ZNF385D: variants seen among roughly 807,000 people sequenced by gnomAD.
ZNF385D encodes zinc finger protein 385D, also known as zinc finger protein 659.
ZNF385D carries 15 observed loss-of-function variants against 35.8 expected under a neutral mutation model. The observed-to-expected ratio is 0.42, with a 90% CI of 0.28 to 0.64. The LOEUF (loss-of-function observed/expected upper bound fraction) is 0.64, where lower values mean the gene tolerates loss of function less well. ZNF385D is among the 30% of genes least tolerant of loss of function. The pLI is 0.23. For synonymous variants in ZNF385D, 212 were observed against 186.8 expected, an observed-to-expected ratio of 1.13 and a Z score of -1.10; for missense variants, 474 against 494.6, an observed-to-expected ratio of 0.96 and a Z score of 0.39.
chr3:21,831,472 A>T (rs1312453451), intron 3 of ZNF385D, among the ~76,000 whole-genome samples: 1 of 152,206 alleles, frequency 6.6e-6, no homozygotes, highest in Non-Finnish European at 1.5e-5. Flanking sequence ...GGAATAAGAA[A>T]TCCTTAGCTT....
At chr3:21,843,508 T>A (rs1401034885) in intron 3 of ZNF385D, among the ~76,000 whole-genome samples, 1 of 151,906 alleles carries the variant, frequency 6.6e-6, no homozygotes, top group Admixed American at 6.6e-5. Flanking sequence ...ACGTGAGAGG[T>A]AGACTCTGAT....
chr3:22,342,384 T>A (rs541260508), intron 2 of ZNF385D, among the ~76,000 whole-genome samples: 39 of 151,848 alleles, frequency 2.6e-4, no homozygotes, highest in Admixed American at 1.8e-3. Context: ...AGTTTTAATA[T>A]CTCCTGTAGA....
At chr3:22,266,163 C>G (rs1000993437) in intron 2 of ZNF385D, among the ~76,000 whole-genome samples, 28 of 151,928 alleles carry the variant, frequency 1.8e-4, no homozygotes, top group African/African-American at 6.3e-4. Flanking sequence ...ATTACTCTTT[C>G]CATTTGGACC....
At chr3:21,783,331 G>A (rs1186173600) in intron 3 of ZNF385D, among the ~76,000 whole-genome samples, 1 of 152,104 alleles carries the variant, frequency 6.6e-6, no homozygotes, top group African/African-American at 2.4e-5. Context: ...CTCTCCCAGG[G>A]AGTCTCAAAT....
At chr3:21,427,994 G>A (rs1701098917) in intron 5 of ZNF385D, among the ~76,000 whole-genome samples, 2 of 152,016 alleles carry the variant, frequency 1.3e-5, no homozygotes, top group East Asian at 1.9e-4. Context: ...ATTAAATGGA[G>A]TAGAACTTTT....
At chr3:21,659,167 T>C (rs571069366) in intron 2 of ZNF385D, among the ~76,000 whole-genome samples, 1 of 152,236 alleles carries the variant, frequency 6.6e-6, no homozygotes, top group African/African-American at 2.4e-5. Flanking sequence ...CAGTGCTTAA[T>C]AAATGCCCAG....
chr3:21,760,442 T>A (rs1403171535), intron 3 of ZNF385D, among the ~76,000 whole-genome samples: 1 of 152,134 alleles, frequency 6.6e-6, no homozygotes, highest in Non-Finnish European at 1.5e-5. Context: ...CTTCAAAAGG[T>A]AAACAAAGAT....
At chr3:22,338,543 A>C (rs1474095792) in intron 2 of ZNF385D, among the ~76,000 whole-genome samples, 2 of 152,158 alleles carry the variant, frequency 1.3e-5, no homozygotes, top group Admixed American at 1.3e-4. Context: ...ATGTTGGCTC[A>C]GAAATAAGTT....
At chr3:21,758,425 A>C (rs1170502629) in intron 3 of ZNF385D, among the ~76,000 whole-genome samples, 1 of 152,168 alleles carries the variant, frequency 6.6e-6, no homozygotes, top group Non-Finnish European at 1.5e-5. Flanking sequence ...AATTACATGT[A>C]TTTAGGCTAA....
intron 2 of ZNF385D, among the ~76,000 whole-genome samples, chr3:21,565,674 T>C (rs1339220769): frequency 6.6e-6 from 1 of 152,220 alleles, no homozygotes; most frequent in African/African-American, 2.4e-5. Context: ...AGATGCTGGC[T>C]ATTTATTATT....
intron 3 of ZNF385D, among the ~76,000 whole-genome samples, chr3:21,872,701 C>A (rs115036224): frequency 6.6e-6 from 1 of 152,022 alleles, no homozygotes; most frequent in African/African-American, 2.4e-5. Flanking sequence ...ATAGAGTTTG[C>A]TGAGCTTGCA....
At chr3:21,649,948 TATC>T (rs1207253661) in intron 2 of ZNF385D, among the ~76,000 whole-genome samples, 2 of 152,236 alleles carry the variant, frequency 1.3e-5, no homozygotes, top group East Asian at 3.9e-4. Flanking sequence ...GTCAGTTCAA[TATC>T]ATGGCTGCAG....
chr3:22,161,166 A>G (rs529316373), intron 3 of ZNF385D, among the ~76,000 whole-genome samples: 15 of 152,062 alleles, frequency 9.9e-5, no homozygotes, highest in Non-Finnish European at 2.1e-4. Flanking sequence ...TTACCTAGAA[A>G]TCTCAACTCC....
intron 3 of ZNF385D, among the ~76,000 whole-genome samples, chr3:21,973,669 G>A (rs1398886185): frequency 6.6e-6 from 1 of 151,830 alleles, no homozygotes; most frequent in Admixed American, 6.6e-5. Context: ...TTTTATATTT[G>A]GAAAAACCTA....
In ZNF385D at chr3:22,195,782, T is replaced by C. The variant is rs761957643; in HGVS notation, c.107-26747A>G. Reference sequence around the variant, plus strand: ...GACATGGAATCAACCTAAATGCCTATCAATGATAGACTGGATAAAGAAAAT... The same window carrying C: ...GACATGGAATCAACCTAAATGCCTACCAATGATAGACTGGATAAAGAAAAT... On this transcript the variant is annotated intron_variant, in intron 2 of 5. Coordinates refer to the ZNF385D transcript ENST00000494108. Among the ~76,000 whole-genome samples the C allele has an allele frequency of 1.3e-5, 2 of 151,956 alleles. 1 individual carries two copies. Among genetic ancestry groups the C allele is most frequent in the South Asian group, 4.1e-4 (2 of 4,830 alleles).
chr3:22,372,481 G>A, exon 2 of ZNF385D: 2 of 985,868 alleles, frequency 2.0e-6, no homozygotes, highest in African/African-American at 3.5e-5. Context: ...GCGCCCCCAG[G>A]AGCTTTTCTC....
At chr3:21,525,340 A>G (rs937795495) in intron 3 of ZNF385D, among the ~76,000 whole-genome samples, 3 of 152,146 alleles carry the variant, frequency 2.0e-5, no homozygotes, top group Non-Finnish European at 2.9e-5. Flanking sequence ...TTTTTTTCCA[A>G]TGGCATTTGC....
intron 3 of ZNF385D, among the ~76,000 whole-genome samples, chr3:21,949,546 C>CTTTTTTTTTTTTTTTTTTTTT (rs1553705221): frequency 3.2e-5 from 1 of 31,158 alleles, no homozygotes; most frequent in Non-Finnish European, 6.6e-5. Flanking sequence ...TCCTTCTTTT[C>CTTTTTTTTTTTTTTTTTTTTT]TTTCTTTCTT....
At chr3:21,908,126 C>A (rs576470022) in intron 3 of ZNF385D, among the ~76,000 whole-genome samples, 1 of 115,114 alleles carries the variant, frequency 8.7e-6, no homozygotes, top group South Asian at 2.9e-4. Context: ...CTATATCTAT[C>A]TATCTATCTA....
Sources: allele counts gnomAD v4.1 joint callset (sites outside exome capture counted in the v4.1 genomes callset), GRCh38; gene constraint gnomAD v4.1.1; transcripts MANE v1.5; gene names NCBI Gene and HGNC (gene_info 2026-07-23, HGNC 2026-07-21).